C7orf78: variants seen among roughly 807,000 people sequenced by gnomAD.
C7orf78 encodes putative uncharacterized protein C7orf78.
chr7:12,510,740 G>A, the C7orf78 span, among the ~76,000 whole-genome samples: 1 of 152,084 alleles, frequency 6.6e-6, no homozygotes, highest in Non-Finnish European at 1.5e-5. Flanking sequence ...TAATAGGATT[G>A]TTTGGGGTTT....
chr7:12,540,689 G>C, the C7orf78 span, among the ~76,000 whole-genome samples: 1 of 152,120 alleles, frequency 6.6e-6, no homozygotes, highest in Admixed American at 6.5e-5. Context: ...ACAGAGTATA[G>C]TTCTACTTCC....
chr7:12,488,277 A>G, the C7orf78 span, among the ~76,000 whole-genome samples: 3 of 152,086 alleles, frequency 2.0e-5, no homozygotes, highest in Admixed American at 6.6e-5. Flanking sequence ...AAGACTATGA[A>G]TTAGTAACTT....
the C7orf78 span, chr7:12,525,783 T>A: frequency 5.0e-6 from 2 of 396,256 alleles, no homozygotes; most frequent in Admixed American, 4.4e-5. Context: ...AAACAATATG[T>A]ATTAATAATA....
At chr7:12,537,831 T>C in the C7orf78 span, among the ~76,000 whole-genome samples, 1 of 152,200 alleles carries the variant, frequency 6.6e-6, no homozygotes, top group Non-Finnish European at 1.5e-5. Flanking sequence ...TGTTGCTATA[T>C]GCAAGCAATA....
the C7orf78 span, among the ~76,000 whole-genome samples, chr7:12,500,152 A>G: frequency 1.4e-5 from 2 of 147,074 alleles, no homozygotes; most frequent in African/African-American, 5.0e-5. Flanking sequence ...TTGACACCCT[A>G]ACATCACAAT....
At chr7:12,528,667 G>A in the C7orf78 span, among the ~76,000 whole-genome samples, 14 of 152,198 alleles carry the variant, frequency 9.2e-5, no homozygotes, top group Non-Finnish European at 2.9e-5. Flanking sequence ...ACTTTAGAAC[G>A]ATGGGTCCAG....
the C7orf78 span, among the ~76,000 whole-genome samples, chr7:12,539,141 C>T: frequency 2.6e-5 from 4 of 152,074 alleles, no homozygotes; most frequent in Admixed American, 6.6e-5. Context: ...AGGGCTTTCC[C>T]CCAAGGGTAG....
the C7orf78 span, chr7:12,523,001 A>G: frequency 7.5e-6 from 3 of 398,168 alleles, no homozygotes; most frequent in African/African-American, 6.2e-5. Flanking sequence ...CCCCCACATA[A>G]TATACCATGA....
the C7orf78 span, among the ~76,000 whole-genome samples, chr7:12,527,082 G>C: frequency 5.6e-5 from 8 of 142,734 alleles, no homozygotes; most frequent in Admixed American, 4.2e-4. Context: ...CTGTGTAATT[G>C]AAATGGAACA....
chr7:12,518,332 C>A, the C7orf78 span, among the ~76,000 whole-genome samples: 5 of 152,100 alleles, frequency 3.3e-5, no homozygotes, highest in Admixed American at 6.6e-5. Flanking sequence ...CCAGTTGAGC[C>A]AATTATCAGG....
At chr7:12,536,381 A>T in the C7orf78 span, among the ~76,000 whole-genome samples, 1 of 152,112 alleles carries the variant, frequency 6.6e-6, no homozygotes, top group Non-Finnish European at 1.5e-5. Context: ...CCATGGCTGG[A>T]GCAGCTGGGA....
the C7orf78 span, among the ~76,000 whole-genome samples, chr7:12,495,795 T>C: frequency 6.6e-6 from 1 of 152,232 alleles, no homozygotes; most frequent in Non-Finnish European, 1.5e-5. Flanking sequence ...TACAAACATA[T>C]GTAATTCAAA....
chr7:12,486,703 C>T, the C7orf78 span, among the ~76,000 whole-genome samples: 1 of 151,994 alleles, frequency 6.6e-6, no homozygotes, highest in Non-Finnish European at 1.5e-5. Context: ...GTCACATCAC[C>T]TGTATTCAAA....
the C7orf78 span, chr7:12,506,930 C>T: frequency 8.3e-6 from 4 of 484,144 alleles, no homozygotes; most frequent in South Asian, 1.5e-5. Context: ...TCCACAGTCA[C>T]ATAAAGTGCT....
the C7orf78 span, chr7:12,504,328 A>G: frequency 2.0e-5 from 3 of 152,332 alleles, 1 homozygote; most frequent in South Asian, 6.2e-4. Flanking sequence ...GGCAACAACC[A>G]GAGGCCCTAG....
At chr7:12,523,863 A>C in the C7orf78 span, among the ~76,000 whole-genome samples, 5 of 152,220 alleles carry the variant, frequency 3.3e-5, no homozygotes, top group African/African-American at 1.2e-4. Flanking sequence ...GATGATTAAT[A>C]ATTTAAATAA....
chr7:12,522,374 C>T, the C7orf78 span, among the ~76,000 whole-genome samples: 1 of 152,028 alleles, frequency 6.6e-6, no homozygotes, highest in Admixed American at 6.6e-5. Context: ...CACTGGTTAG[C>T]TGGTCAGCAA....
At chr7:12,513,282 C>T in the C7orf78 span, among the ~76,000 whole-genome samples, 7 of 146,462 alleles carry the variant, frequency 4.8e-5, no homozygotes, top group Admixed American at 4.8e-4. Context: ...TTTCTTGTTG[C>T]TTTTCTAGTT....
chr7:12,506,614 G>C, the C7orf78 span, among the ~76,000 whole-genome samples: 4 of 152,210 alleles, frequency 2.6e-5, no homozygotes, highest in East Asian at 7.7e-4. Flanking sequence ...ACACAGGGTG[G>C]GGAACATCAC....
Sources: gnomAD v4.1 joint callset for allele counts (sites outside exome capture counted in the v4.1 genomes callset) on GRCh38, gnomAD v4.1.1 for gene constraint, MANE v1.5 for transcripts, NCBI Gene and HGNC (gene_info 2026-07-23, HGNC 2026-07-21) for gene names.